COLGALT2: variants seen among roughly 807,000 people sequenced by gnomAD.
COLGALT2 encodes collagen beta(1-O)galactosyltransferase 2.
Under a neutral mutation model 73.4 loss-of-function variants are expected in COLGALT2, and 49 were observed. The ratio of observed to expected loss-of-function variants is 0.67; its 90% CI spans 0.53 to 0.85. The LOEUF is 0.85. COLGALT2 is among the 40% of genes least tolerant of loss of function. The probability of loss-of-function intolerance (pLI) is 0.00; values close to 1 mark genes in which losing one functional copy is unlikely to be tolerated. For synonymous variants in COLGALT2, 295 were observed against 307.6 expected, an observed-to-expected ratio of 0.96 and a Z score of 0.43; for missense variants, 722 against 790.2, an observed-to-expected ratio of 0.91 and a Z score of 1.03.
chr1:184,017,505 G>A (rs1407473871), intron 1 of COLGALT2, among the ~76,000 whole-genome samples: 1 of 152,080 alleles, frequency 6.6e-6, no homozygotes, highest in Non-Finnish European at 1.5e-5. Context: ...ACATATGGAA[G>A]TAACTATAAG....
chr1:184,011,056 A>G (rs914495289), intron 1 of COLGALT2, among the ~76,000 whole-genome samples: 5 of 152,208 alleles, frequency 3.3e-5, no homozygotes, highest in African/African-American at 1.2e-4. Flanking sequence ...ATTACTTGAC[A>G]TATAATTACC....
At position 183,935,993 on chromosome 1, in the gene COLGALT2, G is replaced by A. The variant is rs564954136; in HGVS notation, c.*2768C>T. On this transcript the variant is annotated 3_prime_UTR_variant, in exon 12 of 12. Coordinates refer to ENST00000361927, the MANE Select transcript of COLGALT2 (RefSeq NM_015101.4). ...CTCCTGCAGCAGGCCTGAATGAACC[G>A]CAAGCGGGGCCCATGCAGCGTGTCC... The A allele has an allele frequency of 5.8e-5, 57 of 980,122 alleles. No homozygotes were observed. In the South Asian group the frequency reaches 6.7e-4, roughly 11 times the overall value. The allele number at this position is 980,122 out of a possible 1,614,324, so 60.7% of individuals were successfully genotyped here. A position where few individuals can be genotyped will look rare whatever the true frequency, so the allele number is the denominator to read the frequency against.
intron 1 of COLGALT2, among the ~76,000 whole-genome samples, chr1:184,007,236 A>G (rs193174746): frequency 3.2e-4 from 49 of 152,356 alleles, no homozygotes; most frequent in Admixed American, 9.1e-4. Flanking sequence ...GACTCTTGGG[A>G]AAAAGGTGAT....
At chr1:183,992,380 C>A (rs1671652395) in intron 1 of COLGALT2, among the ~76,000 whole-genome samples, 1 of 152,198 alleles carries the variant, frequency 6.6e-6, no homozygotes, top group Non-Finnish European at 1.5e-5. Flanking sequence ...TAAATTCTAA[C>A]TTTGTCTTCA....
chr1:183,962,406 G>C (rs1670737140), intron 6 of COLGALT2, among the ~76,000 whole-genome samples: 1 of 151,880 alleles, frequency 6.6e-6, no homozygotes, highest in South Asian at 2.1e-4. Flanking sequence ...TGATCCACCT[G>C]CCTCAGCCTC....
rs149092721 is a variant in COLGALT2, at chr1:184,007,418, T to C, written c.264-28898A>G. ...TAAGTGATAAGAAATAATTATGCCA[T>C]AGTTTAACTTGCGGCTTTCCTTTCT... is the stretch of plus-strand genomic sequence containing the variant. On this transcript the variant is annotated intron_variant, in intron 1 of 11. Coordinates refer to ENST00000361927, the MANE Select transcript of COLGALT2 (RefSeq NM_015101.4). Among the ~76,000 whole-genome samples, 1,022 of 152,340 alleles carry C rather than the reference T, an allele frequency of 6.7e-3. 8 individuals are homozygous for C. The highest frequency in any genetic ancestry group is 0.023 in the African/African-American group (967 of 41,576).
chr1:184,018,606 A>G (rs1053581219), intron 1 of COLGALT2, among the ~76,000 whole-genome samples: 3 of 152,208 alleles, frequency 2.0e-5, no homozygotes, highest in Admixed American at 6.5e-5. Flanking sequence ...TAGGAACACT[A>G]TAAACTTTTT....
intron 1 of COLGALT2, among the ~76,000 whole-genome samples, chr1:184,017,317 A>G (rs1280040789): frequency 6.6e-6 from 1 of 152,328 alleles, no homozygotes; most frequent in African/African-American, 2.4e-5. Context: ...TTGACAAGGC[A>G]TAGAGAGAAT....
At chr1:184,031,624 G>A (rs1341901230) in intron 1 of COLGALT2, among the ~76,000 whole-genome samples, 1 of 152,204 alleles carries the variant, frequency 6.6e-6, no homozygotes. Context: ...AACATTAGCT[G>A]CCTGGGTCAC....
At chr1:184,028,498 G>A (rs1649399462) in intron 1 of COLGALT2, among the ~76,000 whole-genome samples, 2 of 152,192 alleles carry the variant, frequency 1.3e-5, no homozygotes, top group African/African-American at 4.8e-5. Context: ...CCTCTTGGCA[G>A]CAATTGTATG....
At chr1:183,981,162 T>C (rs1671338509) in intron 1 of COLGALT2, among the ~76,000 whole-genome samples, 1 of 152,064 alleles carries the variant, frequency 6.6e-6, no homozygotes, top group Non-Finnish European at 1.5e-5. Context: ...AATATTCCCA[T>C]GGAACAAACC....
intron 11 of COLGALT2, among the ~76,000 whole-genome samples, chr1:183,939,369 G>A (rs992671952): frequency 6.6e-6 from 1 of 152,154 alleles, no homozygotes; most frequent in Non-Finnish European, 1.5e-5. Flanking sequence ...AAAATGCCCT[G>A]CTTTGGGATT....
downstream of COLGALT2, among the ~76,000 whole-genome samples, chr1:183,931,860 T>TAAAA (rs35058267): frequency 1.7e-5 from 2 of 119,968 alleles, no homozygotes; most frequent in African/African-American, 6.1e-5. Context: ...GTTCCTGCCA[T>TAAAA]AAAAAAAAAA....
At chr1:183,941,964 T>TA (rs1174263530) in intron 10 of COLGALT2, among the ~76,000 whole-genome samples, 1 of 152,062 alleles carries the variant, frequency 6.6e-6, no homozygotes, top group Non-Finnish European at 1.5e-5. Flanking sequence ...CTTTTTTTTT[T>TA]TTTTTATGGA....
At chr1:184,025,128 C>G (rs966626348) in intron 1 of COLGALT2, among the ~76,000 whole-genome samples, 2 of 152,260 alleles carry the variant, frequency 1.3e-5, no homozygotes, top group Non-Finnish European at 2.9e-5. Flanking sequence ...TGTCAGAGGA[C>G]TTGGCAGAAT....
At chr1:184,000,517 G>T (rs908123081) in intron 1 of COLGALT2, among the ~76,000 whole-genome samples, 1 of 151,750 alleles carries the variant, frequency 6.6e-6, no homozygotes, top group East Asian at 1.9e-4. Context: ...ATATTGTTAC[G>T]TCATATTTTA....
At chr1:183,961,235 A>G (rs1467371833) in intron 6 of COLGALT2, among the ~76,000 whole-genome samples, 1 of 152,242 alleles carries the variant, frequency 6.6e-6, no homozygotes, top group Non-Finnish European at 1.5e-5. Context: ...CAATGATGAA[A>G]GCTATAATTT....
intron 1 of COLGALT2, among the ~76,000 whole-genome samples, chr1:184,021,655 C>T (rs571308099): frequency 6.6e-4 from 100 of 152,106 alleles, no homozygotes; most frequent in Non-Finnish European, 1.2e-3. Context: ...CTGTGGTATT[C>T]TATTATAGCA....
At chr1:183,930,215 G>T (rs746235883) in exon 12 of COLGALT2, 40 of 456,102 alleles carry the variant, frequency 8.8e-5, no homozygotes, top group Middle Eastern at 3.2e-4. Context: ...TTCTCCTAGG[G>T]TGCACGGGTT....
Sources: allele counts gnomAD v4.1 joint callset (sites outside exome capture counted in the v4.1 genomes callset), GRCh38; gene constraint gnomAD v4.1.1; transcripts MANE v1.5; gene names NCBI Gene and HGNC (gene_info 2026-07-23, HGNC 2026-07-21).